Variants in ZCWPW2 observed in about 807,000 individuals in gnomAD.
ZCWPW2 encodes zinc finger CW-type PWWP domain protein 2.
Under a neutral mutation model 46.6 loss-of-function variants are expected in ZCWPW2, and 45 were observed. The observed-to-expected ratio is 0.96, with a 90% confidence interval of 0.76 to 1.24. The LOEUF (loss-of-function observed/expected upper bound fraction) is 1.24, where lower values mean the gene tolerates loss of function less well. Among genes scored for constraint, ZCWPW2 ranks in the 50% most tolerant of loss-of-function variants. ZCWPW2 has a pLI of 0.00. For synonymous variants in ZCWPW2, 152 were observed against 137.1 expected (o/e 1.11, Z -0.76); for missense variants, 429 against 403.9 (o/e 1.06, Z -0.53).
chr3:28,402,664 A>G (rs1695995284), intron 2 of ZCWPW2, among the ~76,000 whole-genome samples: 1 of 152,216 alleles, frequency 6.6e-6, no homozygotes. Flanking sequence ...ACAAAATACT[A>G]GCTAATCAAA....
chr3:28,383,009 T>G (rs1462875699), intron 1 of ZCWPW2, among the ~76,000 whole-genome samples: 1 of 152,198 alleles, frequency 6.6e-6, no homozygotes, highest in Non-Finnish European at 1.5e-5. Flanking sequence ...GCCAAGGTTT[T>G]GATCACTCAA....
At chr3:28,417,446 C>A (rs553422584) in intron 3 of ZCWPW2, among the ~76,000 whole-genome samples, 24 of 152,070 alleles carry the variant, frequency 1.6e-4, no homozygotes, top group Non-Finnish European at 2.8e-4. Context: ...ACAAGGAGGA[C>A]CTGGTACCAT....
intron 2 of ZCWPW2, among the ~76,000 whole-genome samples, chr3:28,403,425 G>A (rs144258849): frequency 5.3e-5 from 8 of 152,148 alleles, no homozygotes; most frequent in South Asian, 2.1e-4. Context: ...AACATCCCAC[G>A]CTCATGGATG....
chr3:28,482,463 T>C (rs1699459792), intron 5 of ZCWPW2, among the ~76,000 whole-genome samples: 1 of 152,218 alleles, frequency 6.6e-6, no homozygotes, highest in African/African-American at 2.4e-5. Context: ...TGTAAACATA[T>C]ATGTGCAGGT....
chr3:28,502,300 C>T (rs572426706), intron 6 of ZCWPW2, among the ~76,000 whole-genome samples: 14 of 152,072 alleles, frequency 9.2e-5, no homozygotes, highest in Non-Finnish European at 1.9e-4. Flanking sequence ...TCCTTTTATA[C>T]ACCATTTATG....
chr3:28,420,649 C>T (rs1696734025), intron 3 of ZCWPW2, among the ~76,000 whole-genome samples: 2 of 151,102 alleles, frequency 1.3e-5, no homozygotes, highest in African/African-American at 4.9e-5. Context: ...CTTTCAGGTA[C>T]AATTTTGATC....
intron 3 of ZCWPW2, among the ~76,000 whole-genome samples, chr3:28,431,325 G>C (rs1383102253): frequency 6.6e-6 from 1 of 152,022 alleles, no homozygotes; most frequent in African/African-American, 2.4e-5. Flanking sequence ...AGACTGGGTG[G>C]CTTAAACAAC....
chr3:28,458,417 A>G (rs1439623182), intron 4 of ZCWPW2, among the ~76,000 whole-genome samples: 1 of 152,206 alleles, frequency 6.6e-6, no homozygotes, highest in East Asian at 1.9e-4. Context: ...TAGAAATTAA[A>G]TATATACACA....
At chr3:28,464,321 G>T (rs567870558) in intron 4 of ZCWPW2, among the ~76,000 whole-genome samples, 1 of 152,122 alleles carries the variant, frequency 6.6e-6, no homozygotes, top group East Asian at 1.9e-4. Flanking sequence ...AGAGCCAGGG[G>T]TCAGTTTAAA....
chr3:28,484,627 C>T (rs960890054), intron 5 of ZCWPW2, among the ~76,000 whole-genome samples: 1 of 151,782 alleles, frequency 6.6e-6, no homozygotes, highest in Admixed American at 6.6e-5. Context: ...TAATGTCTAC[C>T]TCTTTCATTT....
At chr3:28,509,329 C>T (rs1700364022) in intron 6 of ZCWPW2, among the ~76,000 whole-genome samples, 1 of 151,934 alleles carries the variant, frequency 6.6e-6, no homozygotes, top group Admixed American at 6.6e-5. Flanking sequence ...TTCTATTTTT[C>T]TTGGGTATAT....
At chr3:28,407,491 A>C (rs1028881340) in intron 2 of ZCWPW2, among the ~76,000 whole-genome samples, 9 of 152,162 alleles carry the variant, frequency 5.9e-5, no homozygotes, top group African/African-American at 2.2e-4. Flanking sequence ...TGTGCAAAAT[A>C]ATATGCTAGG....
chr3:28,515,713 T>C, intron 8 of ZCWPW2, 92 bp downstream of exon 8: 1 of 1,044,684 alleles, frequency 9.6e-7, no homozygotes, highest in South Asian at 1.6e-5. Context: ...AAAAAAGATT[T>C]CCTGTGTGTG....
chr3:28,431,545 C>T (rs1697259331), intron 3 of ZCWPW2, among the ~76,000 whole-genome samples: 1 of 152,066 alleles, frequency 6.6e-6, no homozygotes, highest in Non-Finnish European at 1.5e-5. Flanking sequence ...CCCTAATGAA[C>T]TCATTTTAAC....
intron 2 of ZCWPW2, among the ~76,000 whole-genome samples, chr3:28,398,936 T>C (rs1018329010): frequency 6.6e-6 from 1 of 152,184 alleles, no homozygotes; most frequent in Non-Finnish European, 1.5e-5. Context: ...GAGGCCTCCT[T>C]GCCAGAACTC....
chr3:28,378,204 A>G (rs1424008290), intron 1 of ZCWPW2, among the ~76,000 whole-genome samples: 2 of 152,020 alleles, frequency 1.3e-5, no homozygotes, highest in African/African-American at 2.4e-5. Flanking sequence ...TAAATTTCTT[A>G]ATTAGGTAAA....
At chr3:28,465,552 GA>G (rs1186498742) in intron 4 of ZCWPW2, among the ~76,000 whole-genome samples, 1 of 152,090 alleles carries the variant, frequency 6.6e-6, no homozygotes, top group Non-Finnish European at 1.5e-5. Context: ...TTTAATTAGA[GA>G]AAAAACTGGT....
chr3:28,412,211 T>C (rs1464478121), intron 2 of ZCWPW2, among the ~76,000 whole-genome samples: 1 of 151,674 alleles, frequency 6.6e-6, no homozygotes. Flanking sequence ...TACTTGTATT[T>C]TATTTATATT....
At chr3:28,434,489 A>T (rs1027663149) in intron 3 of ZCWPW2, among the ~76,000 whole-genome samples, 1 of 152,224 alleles carries the variant, frequency 6.6e-6, no homozygotes, top group Non-Finnish European at 1.5e-5. Flanking sequence ...TGTTTTTAAT[A>T]AAGAATAAAT....
Sources: gnomAD v4.1 joint callset for allele counts (sites outside exome capture counted in the v4.1 genomes callset) on GRCh38, gnomAD v4.1.1 for gene constraint, MANE v1.5 for transcripts, NCBI Gene and HGNC (gene_info 2026-07-23, HGNC 2026-07-21) for gene names.